DST: variants seen among roughly 807,000 people sequenced by gnomAD.
DST encodes the protein bullous pemphigoid antigen.
Under a neutral mutation model 875.2 loss-of-function variants are expected in DST, and 253 were observed. The ratio of observed to expected loss-of-function variants is 0.29; its 90% CI spans 0.26 to 0.32. DST has a LOEUF of 0.32. DST is among the 10% of genes least tolerant of loss of function. The pLI is 1.00. For missense variants in DST, 8,287 were observed against 9,111.6 expected (o/e 0.91, Z 3.68); for synonymous variants, 3,124 against 3,197.1 (o/e 0.98, Z 0.77).
chr6:56,852,049 A>T (rs375659730), intron 3 of DST: 1 of 1,419,974 alleles, frequency 7.0e-7, no homozygotes, highest in African/African-American at 1.4e-5. Context: ...TTCGAAAACA[A>T]AGCACAAATG....
chr6:56,465,025 A>AT, intron 99 of DST, among the ~76,000 whole-genome samples: 1 of 152,210 alleles, frequency 6.6e-6, no homozygotes, highest in East Asian at 1.9e-4. Flanking sequence ...ATGGAGTTGC[A>AT]TTTTACCTTA....
intron 78 of DST, among the ~76,000 whole-genome samples, chr6:56,503,500 T>C (rs1468653399): frequency 6.6e-6 from 1 of 151,870 alleles, no homozygotes; most frequent in Non-Finnish European, 1.5e-5. Context: ...CATACTAGTG[T>C]AGTGACAACA....
intron 2 of DST, among the ~76,000 whole-genome samples, chr6:56,920,727 CT>C (rs1201574608): frequency 0.041 from 5,071 of 124,136 alleles, 204 homozygotes; most frequent in African/African-American, 0.14. Context: ...TTCTTTCTTC[CT>C]TTTTTTTTTT....
In DST at chr6:56,714,701, T is replaced by G. The variant is rs533887254; in HGVS notation, c.688-10332A>C. Among the ~76,000 whole-genome samples the G allele has an allele frequency of 4.8e-4, 73 of 152,334 alleles. No homozygotes were observed. Among genetic ancestry groups the G allele is most frequent in the African/African-American group, 1.7e-3 (70 of 41,580 alleles). On this transcript the variant is annotated intron_variant, in intron 5 of 103. Coordinates refer to ENST00000680361, the MANE Select transcript of DST (RefSeq NM_001374736.1). The surrounding 1 kb of genome is among the most constrained non-coding windows in gnomAD (Gnocchi z 4.5). ...TCCCAGTGCCCTAACTAGAGCTTCA[T>G]GTCCATTCCTGATGGCTAAGAGAGA...
chr6:56,863,670 G>A (rs1772479821), intron 3 of DST, among the ~76,000 whole-genome samples: 1 of 152,142 alleles, frequency 6.6e-6, no homozygotes, highest in African/African-American at 2.4e-5. Flanking sequence ...TTCCAAGCCA[G>A]CCTAATAGCT....
intron 50 of DST, among the ~76,000 whole-genome samples, chr6:56,578,239 C>T (rs2097905361): frequency 1.3e-5 from 2 of 152,122 alleles, no homozygotes; most frequent in Non-Finnish European, 2.9e-5. Context: ...CTGCACATGA[C>T]AGAGCATTCC....
chr6:56,932,546 C>T (rs958202399), intron 2 of DST, among the ~76,000 whole-genome samples: 11 of 152,120 alleles, frequency 7.2e-5, no homozygotes, highest in Non-Finnish European at 1.3e-4. Context: ...GGGAAAACAG[C>T]TGAACTGAAG....
intron 6 of DST, 41 bp from the exon 7 acceptor site, chr6:56,703,787 C>T (rs2099321108): frequency 5.6e-6 from 4 of 712,552 alleles, no homozygotes; most frequent in South Asian, 6.3e-5. Context: ...AGCAAAGACA[C>T]AAGACAGACC....
At chr6:56,616,708 A>T in intron 36 of DST, 2 of 1,613,912 alleles carry the variant, frequency 1.2e-6, no homozygotes, top group Non-Finnish European at 1.7e-6. Context: ...GGTCAATGAC[A>T]CCCCCACTGG....
rs760864000 is a variant in DST at position 56,604,210 on chromosome 6, T to C, written c.10418A>G (p.Tyr3473Cys). The part of the protein sequence containing the change: ...ELMRELTHME[Y>C]DLEKRGITSK... The stretch of plus-strand genomic sequence containing the variant: ...CGTAATGCCTCTTTTCTCTAGGTCA[T>C]ACTCCATATGAGTTAATTCTCTCAT... Residue 3473 changes from tyrosine to cysteine, a missense_variant, in exon 40 of 104, where the codon TAT becomes TGT. Transcript: ENST00000680361. The C allele has an allele frequency of 1.2e-6, 2 of 1,606,732 alleles. No homozygotes were observed. Among genetic ancestry groups the C allele is most frequent in the South Asian group, 1.1e-5 (1 of 90,024 alleles).
chr6:56,504,221 T>C (rs942590436), intron 77 of DST, 123 bp from the exon 78 acceptor site: 8 of 668,060 alleles, frequency 1.2e-5, no homozygotes, highest in Non-Finnish European at 1.9e-5. Context: ...GACTATTTTA[T>C]AAAAAATTAA....
intron 2 of DST, among the ~76,000 whole-genome samples, chr6:56,930,052 A>G (rs1320159075): frequency 6.6e-6 from 1 of 152,262 alleles, no homozygotes; most frequent in African/African-American, 2.4e-5. Flanking sequence ...AATAAGACCA[A>G]GCCCTTCAGA....
chr6:56,889,732 A>C (rs1468044376), intron 3 of DST, among the ~76,000 whole-genome samples: 3 of 152,136 alleles, frequency 2.0e-5, no homozygotes, highest in East Asian at 3.9e-4. Context: ...ACCCACCCCC[A>C]ATCTCAAACA....
At chr6:56,823,911 A>G (rs527947277) in intron 4 of DST, among the ~76,000 whole-genome samples, 1 of 152,214 alleles carries the variant, frequency 6.6e-6, no homozygotes, top group Non-Finnish European at 1.5e-5. Flanking sequence ...AGAAAAAATA[A>G]TTATTGAGTA....
rs547612035 is a variant in DST at position 56,691,953 on chromosome 6, C to T, written c.1047+7700G>A. On this transcript the variant is annotated intron_variant, in intron 9 of 103. Coordinates refer to ENST00000680361, the MANE Select transcript of DST (RefSeq NM_001374736.1). ...TTTTCAAACTCATGAATCAGCAAGT[C>T]GGTATTGACTGATAATTTTACAGTA... 1.0e-3 allele frequency among the ~76,000 whole-genome samples: 153 copies of T among 152,268 alleles called. 2 individuals are homozygous for T. The South Asian group carries it at 0.016, about 15-fold the overall frequency.
chr6:56,677,492 A>C (rs77289721), intron 9 of DST, among the ~76,000 whole-genome samples: 2 of 151,826 alleles, frequency 1.3e-5, no homozygotes, highest in African/African-American at 4.8e-5. Context: ...AATTCTTTTA[A>C]ATTTTCTGTG....
intron 54 of DST, 148 bp downstream of exon 54, chr6:56,569,708 G>A: frequency 1.9e-6 from 1 of 537,438 alleles, no homozygotes. Flanking sequence ...TAAGCCCCAT[G>A]CCATGATTTC....
chr6:56,871,278 C>T (rs551635075), intron 3 of DST: 56 of 783,488 alleles, frequency 7.1e-5, no homozygotes, highest in Non-Finnish European at 9.9e-5. Context: ...TAAGAACACT[C>T]GTGAAACTGC....
At chr6:56,650,416 G>A (rs929232190) in intron 12 of DST, among the ~76,000 whole-genome samples, 1 of 149,178 alleles carries the variant, frequency 6.7e-6, no homozygotes, top group Non-Finnish European at 1.5e-5. Flanking sequence ...AAAGCTATGT[G>A]TCAGAGACCT....
Sources: gnomAD v4.1 joint callset for allele counts (sites outside exome capture counted in the v4.1 genomes callset) on GRCh38, gnomAD v4.1.1 for gene constraint, Gnocchi (gnomAD v3.1) non-coding constraint, MANE v1.5 for transcripts, NCBI Gene and HGNC (gene_info 2026-07-23, HGNC 2026-07-21) for gene names.